Variants in CBX6 observed in about 807,000 individuals in gnomAD.
CBX6 encodes chromobox protein homolog 6.
In CBX6, 7 loss-of-function variants were observed where a neutral mutation model predicts 28.4. That is an observed-to-expected ratio of 0.25 (90% confidence interval 0.14 to 0.46). CBX6 has a LOEUF of 0.46. CBX6 is among the 20% of genes least tolerant of loss of function. The probability of loss-of-function intolerance (pLI) is 0.99; values close to 1 mark genes in which losing one functional copy is unlikely to be tolerated. For synonymous variants in CBX6, 297 were observed against 273.4 expected (o/e 1.09, Z -0.85); for missense variants, 512 against 606.1 (o/e 0.84, Z 1.63).
chr22:38,866,646 AGGGGGCGGCGGG>A lies in CBX6; in HGVS notation c.790_801del (p.Pro264_Pro267del). 6 of 1,159,658 alleles carry A rather than the reference AGGGGGCGGCGGG, an allele frequency of 5.2e-6. No individual in the cohort carries two copies. Among genetic ancestry groups the A allele is most frequent in the Non-Finnish European group, 6.5e-6 (6 of 929,328 alleles). 71.8% of individuals were successfully genotyped at this position (1,159,658 alleles called of 1,614,324 possible). A position where few individuals can be genotyped will look rare whatever the true frequency, so the allele number is the denominator to read the frequency against. On this transcript the variant is annotated inframe_deletion, in exon 5 of 5. Coordinates refer to ENST00000407418, the MANE Select transcript of CBX6 (RefSeq NM_014292.5). The surrounding 1 kb of genome is among the most constrained non-coding windows in gnomAD (Gnocchi z 7.5). ...GAGGAGCCAGAGCTGCGGGCGTCGT[AGGGGGCGGCGGG>A]GGCGGCCAGAAGTAGCCCAGGGCCC...
chr22:38,872,165 C>T lies in CBX6; in HGVS notation c.26G>A (p.Arg9Gln). Reference sequence around the variant, plus strand: ...GATGATGGATTCGGCCGCGAAGACCCGCTCGCCCACTGCAGACAGCTCCAT... The same window carrying T: ...GATGATGGATTCGGCCGCGAAGACCTGCTCGCCCACTGCAGACAGCTCCAT... The part of the protein sequence containing the change: MELSAVGE[R>Q]VFAAESIIKR... The change falls in exon 1 of 5, where the codon CGG (arginine) becomes CAG (glutamine). Residue 9 changes from arginine to glutamine, a missense_variant. Around this residue, in one of 7 missense-constraint regions of CBX6, gnomAD observed 27 missense variants for 30.9 expected, o/e 0.87. Coordinates refer to ENST00000407418, the MANE Select transcript of CBX6 (RefSeq NM_014292.5). This position sits in a 1 kb window ranked among gnomAD's most constrained non-coding sequence, Gnocchi z 5.0. 1 of 1,420,698 alleles carries T rather than the reference C, an allele frequency of 7.0e-7. No homozygotes were observed. Among genetic ancestry groups the T allele is most frequent in the Non-Finnish European group, 9.3e-7 (1 of 1,071,142 alleles). 88.0% of individuals were successfully genotyped at this position (1,420,698 alleles called of 1,614,324 possible).
In CBX6 at chr22:38,866,065, C is replaced by T; in HGVS notation, c.*144G>A. On this transcript the variant is annotated 3_prime_UTR_variant, in exon 5 of 5. Transcript: ENST00000407418. This position sits in a 1 kb window ranked among gnomAD's most constrained non-coding sequence, Gnocchi z 7.5. ...CCGGCTTTCTGGGACCCCAACTACCCAGCCCCATCCCTGGGTCAACACCGA... is the reference window on the plus strand; with the variant it reads ...CCGGCTTTCTGGGACCCCAACTACCTAGCCCCATCCCTGGGTCAACACCGA... 1 of 708,446 alleles carries T rather than the reference C, an allele frequency of 1.4e-6. No homozygotes were observed. The highest frequency in any genetic ancestry group is 2.3e-6 in the Non-Finnish European group (1 of 434,684). 43.9% of individuals were successfully genotyped at this position (708,446 alleles called of 1,614,324 possible). A position where few individuals can be genotyped will look rare whatever the true frequency, so the allele number is the denominator to read the frequency against.
At chr22:38,869,279 G>A (rs576647424) in intron 4 of CBX6, among the ~76,000 whole-genome samples, 8 of 152,164 alleles carry the variant, frequency 5.3e-5, no homozygotes, top group East Asian at 1.9e-4. Flanking sequence ...CAGTGGTGAC[G>A]GACTGTTCCT....
chr22:38,863,162 T>G lies in CBX6; in HGVS notation c.*3047A>C, dbSNP rs1317032487. The stretch of plus-strand genomic sequence containing the variant: ...GCAGCGCTTTCTGAAGAGGGCTTGC[T>G]ACCCAATACACCCATTTCACAGAAG... On this transcript the variant is annotated 3_prime_UTR_variant, in exon 5 of 5. Coordinates refer to ENST00000407418, the MANE Select transcript of CBX6 (RefSeq NM_014292.5). 6.6e-6 allele frequency: 1 copy of G among 152,194 alleles called. No homozygotes were observed. The highest frequency in any genetic ancestry group is 6.5e-5 in the Admixed American group (1 of 15,280). The allele number at this position is 152,194 out of a possible 1,614,324, so 9.4% of individuals were successfully genotyped here. A position where few individuals can be genotyped will look rare whatever the true frequency, so the allele number is the denominator to read the frequency against.
Position 38,866,202 on chromosome 22 carries a change from A to T in CBX6, c.*7T>A. On this transcript the variant is annotated 3_prime_UTR_variant, in exon 5 of 5. Coordinates refer to ENST00000407418, the MANE Select transcript of CBX6 (RefSeq NM_014292.5). The surrounding 1 kb of genome is among the most constrained non-coding windows in gnomAD (Gnocchi z 7.5). ...CCCCCCAAGCCCCCCTCCTTGGTGGAGCCCCCTCACTTGCTCGCCCCAATG... is the reference window on the plus strand; with the variant it reads ...CCCCCCAAGCCCCCCTCCTTGGTGGTGCCCCCTCACTTGCTCGCCCCAATG... 6 of 1,500,930 alleles carry T rather than the reference A, an allele frequency of 4.0e-6. No individual in the cohort carries two copies. Among genetic ancestry groups the T allele is most frequent in the Non-Finnish European group, 5.5e-6 (6 of 1,087,026 alleles). 93.0% of individuals were successfully genotyped at this position (1,500,930 alleles called of 1,614,324 possible). A position where few individuals can be genotyped will look rare whatever the true frequency, so the allele number is the denominator to read the frequency against.
At position 38,872,086 on chromosome 22, in the gene CBX6, G is replaced by T; in HGVS notation, c.69+36C>A. On this transcript the variant is annotated intron_variant, in intron 1 of 4. Transcript: ENST00000407418. The surrounding 1 kb of genome is among the most constrained non-coding windows in gnomAD (Gnocchi z 5.0). Reference sequence around the variant, plus strand: ...AGGGCCCCCGGCCCCGGCCCCGGCTGCGGACAGCGGCGGCCCGCCCCGGGC... The same window carrying T: ...AGGGCCCCCGGCCCCGGCCCCGGCTTCGGACAGCGGCGGCCCGCCCCGGGC... The T allele has an allele frequency of 7.6e-7, 1 of 1,324,264 alleles. No individual in the cohort carries two copies. Among genetic ancestry groups the T allele is most frequent in the Non-Finnish European group, 9.7e-7 (1 of 1,027,174 alleles). The allele number at this position is 1,324,264 out of a possible 1,614,324, so 82.0% of individuals were successfully genotyped here.
In CBX6 at chr22:38,871,658, C is replaced by G. The variant is rs748238959; in HGVS notation, c.179+34G>C. The G allele has an allele frequency of 6.2e-7, 1 of 1,612,632 alleles. No homozygotes were observed. Among genetic ancestry groups the G allele is most frequent in the East Asian group, 2.2e-5 (1 of 44,846 alleles). The stretch of plus-strand genomic sequence containing the variant: ...CGCGGCGCCCCAGCCGAGCCTCGGC[C>G]TCGCAGCCCCTGCCAGCTTCCCCAA... On this transcript the variant is annotated intron_variant, in intron 3 of 4. Coordinates refer to ENST00000407418, the MANE Select transcript of CBX6 (RefSeq NM_014292.5). This position sits in a 1 kb window ranked among gnomAD's most constrained non-coding sequence, Gnocchi z 5.6.
In CBX6 at chr22:38,867,295, C is replaced by G. The variant is rs983394342; in HGVS notation, c.247-94G>C. 4 of 1,096,892 alleles carry G rather than the reference C, an allele frequency of 3.6e-6. No homozygotes were observed. In the African/African-American group the frequency reaches 6.3e-5, roughly 17 times the overall value. 67.9% of individuals were successfully genotyped at this position (1,096,892 alleles called of 1,614,324 possible). ...CCAGCCAGCCCTAAGTAGAGCCTCT[C>G]AGCCAGCGATCCCGAGATCATTTAA... On this transcript the variant is annotated intron_variant, in intron 4 of 4. Coordinates refer to ENST00000407418, the MANE Select transcript of CBX6 (RefSeq NM_014292.5).
Position 38,867,213 on chromosome 22 carries a change from G to T in CBX6, c.247-12C>A. ...GCCTGGGCCCGCGCCTGCGGGCAGA[G>T]GGAGGGGTGGGTGGGACCTCAGGAC... On this transcript the variant is annotated splice_polypyrimidine_tract_variant and intron_variant, in intron 4 of 4. Coordinates refer to ENST00000407418, the MANE Select transcript of CBX6 (RefSeq NM_014292.5). 1 of 1,526,402 alleles carries T rather than the reference G, an allele frequency of 6.6e-7. No individual in the cohort carries two copies. Among genetic ancestry groups the T allele is most frequent in the South Asian group, 1.2e-5 (1 of 83,074 alleles). 94.6% of individuals were successfully genotyped at this position (1,526,402 alleles called of 1,614,324 possible). A position where few individuals can be genotyped will look rare whatever the true frequency, so the allele number is the denominator to read the frequency against.
Position 38,863,216 on chromosome 22 carries a change from A to G in CBX6, c.*2993T>C, listed in dbSNP as rs576253447. 2.0e-5 allele frequency: 3 copies of G among 152,202 alleles called. No individual in the cohort carries two copies. The highest frequency in any genetic ancestry group is 4.4e-5 in the Non-Finnish European group (3 of 68,054). 9.4% of individuals were successfully genotyped at this position (152,202 alleles called of 1,614,324 possible). ...AAACTAAAGGTCAGAGTGGGCACCC[A>G]GACAGGGATGGGTCCCAACTTACCG... is the stretch of plus-strand genomic sequence containing the variant. On this transcript the variant is annotated 3_prime_UTR_variant, in exon 5 of 5. Coordinates refer to ENST00000407418, the MANE Select transcript of CBX6 (RefSeq NM_014292.5).
Position 38,867,029 on chromosome 22 carries a change from T to G in CBX6, c.419A>C (p.Gln140Pro). 1 of 1,605,078 alleles carries G rather than the reference T, an allele frequency of 6.2e-7. No homozygotes were observed. Among genetic ancestry groups the G allele is most frequent in the Non-Finnish European group, 8.5e-7 (1 of 1,176,988 alleles). ...CGGGCGCAGTCCGGGGCTGCCCCCC[T>G]GCGGGTCCGGGCGGGGCAGGGGACG... ...SRRPLPRPDP[Q>P]GGSPGLRPPI... The change falls in exon 5 of 5, where the codon CAG becomes CCG. Residue 140 changes from glutamine (Q) to proline (P), a missense_variant. Gln to Pro is a moderately conservative substitution (Grantham distance 76, BLOSUM62 -1). Coordinates refer to ENST00000407418, the MANE Select transcript of CBX6 (RefSeq NM_014292.5).
rs375336203 is a variant in CBX6 at position 38,861,877 on chromosome 22, G to A, written c.*4332C>T. 2.0e-5 allele frequency: 3 copies of A among 152,194 alleles called. No individual in the cohort carries two copies. In the East Asian group the frequency reaches 5.8e-4, roughly 29 times the overall value. The allele number at this position is 152,194 out of a possible 1,614,324, so 9.4% of individuals were successfully genotyped here. A position where few individuals can be genotyped will look rare whatever the true frequency, so the allele number is the denominator to read the frequency against. ...GACAGTGCCCCTCCCCAAATATAGA[G>A]CTATATATGTATATTTTATATATAT... is the stretch of plus-strand genomic sequence containing the variant. On this transcript the variant is annotated 3_prime_UTR_variant, in exon 5 of 5. Transcript: ENST00000407418.
rs2093165012 is a variant in CBX6, at chr22:38,864,545, GTA to G, written c.*1662_*1663del. On this transcript the variant is annotated 3_prime_UTR_variant, in exon 5 of 5. Transcript: ENST00000407418. ...GGGCAGGGTAGGGAGGGGCCGAGGAGTATCAGCCCCCGCCCCAACCCTGCGAG... is the reference window on the plus strand; with the variant it reads ...GGGCAGGGTAGGGAGGGGCCGAGGAGTCAGCCCCCGCCCCAACCCTGCGAG... 6.6e-6 allele frequency: 1 copy of G among 152,508 alleles called. No homozygotes were observed. The highest frequency in any genetic ancestry group is 2.1e-4 in the South Asian group (1 of 4,832). The allele number at this position is 152,508 out of a possible 1,614,324, so 9.4% of individuals were successfully genotyped here.
In CBX6 at chr22:38,861,541, G is replaced by A. The variant is rs1041140477; in HGVS notation, c.*4668C>T. The A allele has an allele frequency of 6.6e-6, 1 of 152,184 alleles. No homozygotes were observed. Among genetic ancestry groups the A allele is most frequent in the African/African-American group, 2.4e-5 (1 of 41,422 alleles). 9.4% of individuals were successfully genotyped at this position (152,184 alleles called of 1,614,324 possible). A position where few individuals can be genotyped will look rare whatever the true frequency, so the allele number is the denominator to read the frequency against. On this transcript the variant is annotated 3_prime_UTR_variant, in exon 5 of 5. Transcript: ENST00000407418. ...CCTTTCCTGGCGTTGATACAATATT[G>A]AAGAGCAGCAGAACAAACGTACAAG...
In CBX6 at chr22:38,871,631, C is replaced by A; in HGVS notation, c.179+61G>T. 1.2e-6 allele frequency: 2 copies of A among 1,610,896 alleles called. No homozygotes were observed. Among genetic ancestry groups the A allele is most frequent in the Non-Finnish European group, 1.7e-6 (2 of 1,178,146 alleles). ...GCCCTCCCCGGCTCTCCCGCTTCCC[C>A]GCGCGGCGCCCCAGCCGAGCCTCGG... On this transcript the variant is annotated intron_variant, in intron 3 of 4. Coordinates refer to ENST00000407418, the MANE Select transcript of CBX6 (RefSeq NM_014292.5). This position sits in a 1 kb window ranked among gnomAD's most constrained non-coding sequence, Gnocchi z 5.6.
chr22:38,867,033 G>A lies in CBX6; in HGVS notation c.415C>T (p.Pro139Ser), dbSNP rs1221253680. 6.2e-7 allele frequency: 1 copy of A among 1,605,442 alleles called. No homozygotes were observed. Among genetic ancestry groups the A allele is most frequent in the East Asian group, 2.2e-5 (1 of 44,694 alleles). Residue 139 changes from proline to serine, a missense_variant, in exon 5 of 5, where the codon CCG becomes TCG. Around this residue, in one of 7 missense-constraint regions of CBX6, gnomAD observed 123 missense variants for 138.1 expected, o/e 0.89. Coordinates refer to ENST00000407418, the MANE Select transcript of CBX6 (RefSeq NM_014292.5). ...MSRRPLPRPD[P>S]QGGSPGLRPP... The stretch of plus-strand genomic sequence containing the variant: ...CGCAGTCCGGGGCTGCCCCCCTGCG[G>A]GTCCGGGCGGGGCAGGGGACGGCGG...
chr22:38,866,663 G>A lies in CBX6; in HGVS notation c.785C>T (p.Ala262Val). 2 of 1,495,248 alleles carry A rather than the reference G, an allele frequency of 1.3e-6. No individual in the cohort carries two copies. The highest frequency in any genetic ancestry group is 8.9e-7 in the Non-Finnish European group (1 of 1,124,940). The allele number at this position is 1,495,248 out of a possible 1,614,324, so 92.6% of individuals were successfully genotyped here. ...ASAPGPGLLL[A>V]APAAPYDARS... ...GGCGTCGTAGGGGGCGGCGGGGGCG[G>A]CCAGAAGTAGCCCAGGGCCCGGGGC... is the stretch of plus-strand genomic sequence containing the variant. Residue 262 changes from alanine (A) to valine (V), a missense_variant, in exon 5 of 5, where the codon GCC (alanine) becomes GTC (valine). Around this residue, in one of 7 missense-constraint regions of CBX6, gnomAD observed 290 missense variants for 274.1 expected, o/e 1.06. Transcript: ENST00000407418. The surrounding 1 kb of genome is among the most constrained non-coding windows in gnomAD (Gnocchi z 7.5).
rs2093170679 is a variant in CBX6, at chr22:38,866,634, T to C, written c.814A>G (p.Ser272Gly). The change falls in exon 5 of 5, where the codon AGC becomes GGC. Residue 272 changes from serine (S) to glycine (G), a missense_variant. Around this residue, in one of 7 missense-constraint regions of CBX6, gnomAD observed 290 missense variants for 274.1 expected, o/e 1.06. Transcript: ENST00000407418. The surrounding 1 kb of genome is among the most constrained non-coding windows in gnomAD (Gnocchi z 7.5). ...GAGGGGCAGCCGGAGGAGCCAGAGC[T>C]GCGGGCGTCGTAGGGGGCGGCGGGG... ...AAPAAPYDARSSGSSGCPSPT... is the reference protein window; with the variant it reads ...AAPAAPYDARGSGSSGCPSPT... 1 of 1,265,410 alleles carries C rather than the reference T, an allele frequency of 7.9e-7. No individual in the cohort carries two copies. The highest frequency in any genetic ancestry group is 1.0e-6 in the Non-Finnish European group (1 of 992,992). The allele number at this position is 1,265,410 out of a possible 1,614,324, so 78.4% of individuals were successfully genotyped here.
chr22:38,864,284 G>A lies in CBX6; in HGVS notation c.*1925C>T, dbSNP rs2093164413. Reference sequence around the variant, plus strand: ...GCAAAACTAATTCTTTCACTTTCCTGTCATAAAATCACCTCTGAAAACACA... The same window carrying A: ...GCAAAACTAATTCTTTCACTTTCCTATCATAAAATCACCTCTGAAAACACA... On this transcript the variant is annotated 3_prime_UTR_variant, in exon 5 of 5. Transcript: ENST00000407418. The A allele has an allele frequency of 7.3e-6, 1 of 137,672 alleles. No individual in the cohort carries two copies. The highest frequency in any genetic ancestry group is 2.7e-5 in the African/African-American group (1 of 36,488). The allele number at this position is 137,672 out of a possible 1,614,324, so 8.5% of individuals were successfully genotyped here. A position where few individuals can be genotyped will look rare whatever the true frequency, so the allele number is the denominator to read the frequency against.
Sources: allele counts gnomAD v4.1 joint callset (sites outside exome capture counted in the v4.1 genomes callset), GRCh38; gene constraint gnomAD v4.1.1; regional missense constraint gnomAD v4.1.1; non-coding constraint Gnocchi (gnomAD v3.1); transcripts MANE v1.5; gene names NCBI Gene and HGNC (gene_info 2026-07-23, HGNC 2026-07-21).